The following ABCA13 variants were observed in gnomAD, a reference collection of about 807,000 sequenced individuals.
ABCA13 encodes the protein ATP binding cassette subfamily A member 13.
A neutral mutation model predicts 478.7 loss-of-function variants in ABCA13; 476 were observed. The observed-to-expected ratio is 0.99, with a 90% CI of 0.92 to 1.07. The LOEUF is 1.07. Ranked by LOEUF, ABCA13 falls within the 50% of genes least tolerant of loss-of-function variation. ABCA13 has a pLI of 0.00. For missense variants in ABCA13, 6,060 were observed against 5,910.6 expected, an observed-to-expected ratio of 1.03 and a Z score of -0.83; for synonymous variants, 2,252 against 2,158.9, an observed-to-expected ratio of 1.04 and a Z score of -1.20.
chr7:48,193,094 G>T, intron 2 of ABCA13, 42 bp downstream of exon 2: 1 of 1,412,446 alleles, frequency 7.1e-7, no homozygotes, highest in South Asian at 1.3e-5. Flanking sequence ...TTAACCTTTG[G>T]AGAAAAAAAA....
Position 48,239,264 on chromosome 7 carries a change from G to T in ABCA13, c.921G>T (p.Glu307Asp), listed in dbSNP as rs989980736. Residue 307 changes from glutamate to aspartate, a missense_variant, in exon 9 of 62, where the codon GAG becomes GAT. Physicochemically the swap from Glu to Asp is conservative, Grantham distance 45. Coordinates refer to ENST00000435803, the MANE Select transcript of ABCA13 (RefSeq NM_152701.5). Reference sequence around the variant, plus strand: ...AGATTCCCACAGACACTTCCTTGGAGAAGATGGTGTGTTCAGTCTTGTCTA... The same window carrying T: ...AGATTCCCACAGACACTTCCTTGGATAAGATGGTGTGTTCAGTCTTGTCTA... ...LKEIPTDTSL[E>D]KMVCSVLSST... is the part of the protein sequence containing the mutation. 17 of 1,613,834 alleles carry T rather than the reference G, an allele frequency of 1.1e-5. No homozygotes were observed. Among genetic ancestry groups the T allele is most frequent in the African/African-American group, 2.7e-5 (2 of 74,918 alleles).
chr7:48,533,072 T>G (rs1379779211), intron 55 of ABCA13, among the ~76,000 whole-genome samples: 1 of 152,048 alleles, frequency 6.6e-6, no homozygotes, highest in African/African-American at 2.4e-5. Flanking sequence ...CTCTAAGTCT[T>G]TGAGATGTGA....
At chr7:48,562,919 A>G (rs1563441472) in intron 55 of ABCA13, among the ~76,000 whole-genome samples, 1 of 151,944 alleles carries the variant, frequency 6.6e-6, no homozygotes, top group Non-Finnish European at 1.5e-5. Flanking sequence ...AAGAATGATG[A>G]TGCCTTATAG....
intron 48 of ABCA13, among the ~76,000 whole-genome samples, chr7:48,489,981 T>C (rs552858706): frequency 6.6e-6 from 1 of 152,354 alleles, no homozygotes; most frequent in African/African-American, 2.4e-5. Context: ...CAACAGGCCA[T>C]GTCCACCACA....
intron 46 of ABCA13, among the ~76,000 whole-genome samples, chr7:48,481,631 G>T (rs980004207): frequency 3.3e-5 from 2 of 59,862 alleles, no homozygotes; most frequent in African/African-American, 1.4e-4. Flanking sequence ...TCAGCCTCCC[G>T]AGTAGCTGGG....
intron 5 of ABCA13, among the ~76,000 whole-genome samples, chr7:48,226,306 G>A (rs1196582956): frequency 6.6e-6 from 1 of 152,122 alleles, no homozygotes; most frequent in Non-Finnish European, 1.5e-5. Context: ...ATGGTAGTGT[G>A]CTAGAAGCCA....
intron 54 of ABCA13, among the ~76,000 whole-genome samples, chr7:48,525,366 C>T (rs17132437): frequency 0.084 from 12,737 of 151,964 alleles, 931 homozygotes; most frequent in African/African-American, 0.2. Context: ...ATAGTTTTGC[C>T]GGTACCTCTC....
At chr7:48,319,125 C>A (rs570622656) in intron 27 of ABCA13, among the ~76,000 whole-genome samples, 1 of 152,258 alleles carries the variant, frequency 6.6e-6, no homozygotes, top group East Asian at 1.9e-4. Context: ...TTCTAAGCCC[C>A]TGTGAGGTGG....
At chr7:48,288,197 C>T (rs1326839798) in intron 20 of ABCA13, 119 bp downstream of exon 20, 2 of 926,352 alleles carry the variant, frequency 2.2e-6, no homozygotes, top group East Asian at 2.4e-5. Flanking sequence ...GTGTCATACA[C>T]AGTCTTGTTG....
intron 5 of ABCA13, among the ~76,000 whole-genome samples, 171 bp from the exon 6 acceptor site, chr7:48,227,091 A>G (rs1788322451): frequency 2.0e-5 from 3 of 152,162 alleles, no homozygotes; most frequent in Admixed American, 6.5e-5. Context: ...GAATAGTTTT[A>G]ACATTGTGTT....
intron 51 of ABCA13, among the ~76,000 whole-genome samples, chr7:48,515,321 C>T (rs1310193403): frequency 6.6e-6 from 1 of 152,140 alleles, no homozygotes; most frequent in East Asian, 1.9e-4. Flanking sequence ...ATATTAGGAA[C>T]CATCGTTCAA....
At chr7:48,238,734 C>G (rs1562850679) in intron 8 of ABCA13, among the ~76,000 whole-genome samples, 1 of 152,210 alleles carries the variant, frequency 6.6e-6, no homozygotes, top group Non-Finnish European at 1.5e-5. Context: ...TCCCAAAGTG[C>G]TGGGATTACA....
intron 55 of ABCA13, among the ~76,000 whole-genome samples, chr7:48,541,467 A>T (rs1918597): frequency 0.14 from 21,065 of 152,056 alleles, 1,835 homozygotes; most frequent in African/African-American, 0.23. Flanking sequence ...TTTACATTCT[A>T]GATCTTATTT....
chr7:48,175,701 G>A (rs1178400214), intron 1 of ABCA13, among the ~76,000 whole-genome samples: 52 of 152,254 alleles, frequency 3.4e-4, no homozygotes, highest in East Asian at 1.4e-3. Flanking sequence ...GATTACAGGC[G>A]TGAGCCACTG....
intron 58 of ABCA13, among the ~76,000 whole-genome samples, chr7:48,599,324 A>C (rs138319391): frequency 1.8e-3 from 277 of 151,612 alleles, no homozygotes; most frequent in African/African-American, 6.4e-3. Context: ...GATTTCCATC[A>C]TTTTAAATTT....
chr7:48,282,899 G>T (rs974792495), intron 19 of ABCA13, among the ~76,000 whole-genome samples: 3 of 152,156 alleles, frequency 2.0e-5, no homozygotes, highest in Admixed American at 2.0e-4. Flanking sequence ...GGCACATGGG[G>T]ATTAGAACAT....
At chr7:48,407,442 C>T (rs979882771) in intron 39 of ABCA13, among the ~76,000 whole-genome samples, 1 of 151,098 alleles carries the variant, frequency 6.6e-6, no homozygotes, top group African/African-American at 2.4e-5. Context: ...TGCCACTGCA[C>T]TCCAGCCTGG....
intron 19 of ABCA13, among the ~76,000 whole-genome samples, chr7:48,286,105 C>T (rs1048782681): frequency 3.3e-5 from 5 of 152,142 alleles, no homozygotes; most frequent in African/African-American, 1.2e-4. Flanking sequence ...TTCCCATATA[C>T]TCCCTTCCCC....
Position 48,244,686 on chromosome 7 carries a change from A to C in ABCA13, c.1373A>C (p.Asn458Thr). ...DGALRNAIAQ[N>T]LHFVQEVLIC... Reference sequence around the variant, plus strand: ...GCTCTCAGAAATGCGATAGCTCAGAATTTACATTTTGTCCAAGGTAAGCTA... The same window carrying C: ...GCTCTCAGAAATGCGATAGCTCAGACTTTACATTTTGTCCAAGGTAAGCTA... The change falls in exon 11 of 62, where the codon AAT (asparagine) becomes ACT (threonine). Residue 458 changes from asparagine to threonine, a missense_variant. Physicochemically the swap from Asn to Thr is moderately conservative, Grantham distance 65. Coordinates refer to ENST00000435803, the MANE Select transcript of ABCA13 (RefSeq NM_152701.5). 1 of 1,600,766 alleles carries C rather than the reference A, an allele frequency of 6.2e-7. No homozygotes were observed. The highest frequency in any genetic ancestry group is 1.1e-5 in the South Asian group (1 of 89,518).
Sources: gnomAD v4.1 joint callset for allele counts (sites outside exome capture counted in the v4.1 genomes callset) on GRCh38, gnomAD v4.1.1 for gene constraint, MANE v1.5 for transcripts, NCBI Gene and HGNC (gene_info 2026-07-23, HGNC 2026-07-21) for gene names.